Variants in DRC1 observed in about 807,000 individuals in gnomAD.
DRC1 encodes dynein regulatory complex subunit 1.
Under a neutral mutation model 98.7 loss-of-function variants are expected in DRC1, and 74 were observed. The observed-to-expected ratio is 0.75, with a 90% CI of 0.62 to 0.91. DRC1 has a LOEUF of 0.91. Ranked by LOEUF, DRC1 falls within the 40% of genes least tolerant of loss-of-function variation. DRC1 has a pLI of 0.00. For missense variants in DRC1, 875 were observed against 886.0 expected (o/e 0.99, Z 0.16); for synonymous variants, 336 against 334.1 (o/e 1.01, Z -0.06).
chr2:26,415,269 A>T (rs1184450878), intron 2 of DRC1, among the ~76,000 whole-genome samples: 1 of 152,214 alleles, frequency 6.6e-6, no homozygotes, highest in East Asian at 1.9e-4. Flanking sequence ...CATTTAATCA[A>T]TGTTAAGTGA....
At chr2:26,406,526 T>C (rs903318959) in intron 1 of DRC1, among the ~76,000 whole-genome samples, 4 of 151,924 alleles carry the variant, frequency 2.6e-5, no homozygotes, top group South Asian at 2.1e-4. Flanking sequence ...CTGGCCAACA[T>C]AGTGAAACCC....
At position 26,421,308 on chromosome 2, in the gene DRC1, C is replaced by T; in HGVS notation, c.264C>T (p.Leu88=). ...ESRLKLAKLL[L]CGTELVTNIQ... Reference sequence around the variant, plus strand: ...TTTAGAAATTGGCTAAACTTCTGCTCTGTGGCACCGAGTTGGTGACAAATA... The same window carrying T: ...TTTAGAAATTGGCTAAACTTCTGCTTTGTGGCACCGAGTTGGTGACAAATA... The change falls in exon 3 of 17, where the codon CTC becomes CTT. Residue 88 remains leucine, a synonymous_variant. Transcript: ENST00000288710. 1 of 1,613,586 alleles carries T rather than the reference C, an allele frequency of 6.2e-7. No homozygotes were observed. Among genetic ancestry groups the T allele is most frequent in the Non-Finnish European group, 8.5e-7 (1 of 1,179,714 alleles).
Position 26,440,369 on chromosome 2 carries a change from T to A in DRC1, c.889-9T>A, listed in dbSNP as rs762889685. On this transcript the variant is annotated splice_polypyrimidine_tract_variant and intron_variant, in intron 7 of 16. Transcript: ENST00000288710. ...TGTATATATATATATATAGTTTTTT[T>A]AACTTTAGATTCTTGAGCAGCAGCT... is the stretch of plus-strand genomic sequence containing the variant. 1.7e-5 allele frequency: 27 copies of A among 1,603,306 alleles called. No individual in the cohort carries two copies. In the South Asian group the frequency reaches 2.9e-4, roughly 17 times the overall value.
Position 26,430,872 on chromosome 2 carries a change from G to C in DRC1, c.765G>C (p.Glu255Asp). 6.8e-6 allele frequency: 11 copies of C among 1,613,146 alleles called. No individual in the cohort carries two copies. Among genetic ancestry groups the C allele is most frequent in the Non-Finnish European group, 8.5e-6 (10 of 1,179,364 alleles). Residue 255 changes from glutamate to aspartate, a missense_variant and splice_region_variant, in exon 6 of 17, where the codon GAG (glutamate) becomes GAC (aspartate). Coordinates refer to ENST00000288710, the MANE Select transcript of DRC1 (RefSeq NM_145038.5). ...EQALQAHNAK[E>D]LEYLNNRMKK... ...CCCTTCAGGCTCATAATGCCAAAGAGGTAAAGGGTGGAGCCTGTCAAGAGT... is the reference window on the plus strand; with the variant it reads ...CCCTTCAGGCTCATAATGCCAAAGACGTAAAGGGTGGAGCCTGTCAAGAGT...
intron 7 of DRC1, among the ~76,000 whole-genome samples, chr2:26,436,312 G>A (rs1032986162): frequency 1.3e-5 from 2 of 151,878 alleles, no homozygotes; most frequent in African/African-American, 4.8e-5. Flanking sequence ...CACTCCCCCT[G>A]CCCTTTATTT....
At position 26,444,328 on chromosome 2, in the gene DRC1, C is replaced by T; in HGVS notation, c.1135C>T (p.Gln379Ter). 1.2e-6 allele frequency: 2 copies of T among 1,614,136 alleles called. No homozygotes were observed. The highest frequency in any genetic ancestry group is 2.2e-5 in the East Asian group (1 of 44,882). The change falls in exon 9 of 17, where the codon CAA becomes TAA. Residue 379 changes from glutamine to a stop codon, truncating the protein, a stop_gained. Transcript: ENST00000288710. LOFTEE classifies it high-confidence loss of function. ...LTSDYKRLVM[Q>*]FKELQKAMRH... ...CTCGGACTACAAACGTCTTGTGATG[C>T]AATTCAAGGAGCTACAGAAAGCCAT...
At chr2:26,430,958 CTT>C (rs5830013) in intron 6 of DRC1, 86 bp downstream of exon 6, 4,765 of 341,248 alleles carry the variant, frequency 0.014, no homozygotes, top group East Asian at 0.034. Context: ...CTTTTTCTAT[CTT>C]TTTTTTTTTT....
In DRC1 at chr2:26,414,429, T is replaced by C. The variant is rs1558435859; in HGVS notation, c.241T>C (p.Leu81=). The C allele has an allele frequency of 6.2e-7, 1 of 1,613,094 alleles. No individual in the cohort carries two copies. The highest frequency in any genetic ancestry group is 1.1e-5 in the South Asian group (1 of 90,910). ...CTACAAACAGAAAGAAGAAAGCCGA[T>C]TGGTATGAACTGGTTGGCAGATGGG... ...KSYKQKEESR[L]KLAKLLLCGT... is the part of the protein sequence containing the mutation. Residue 81 remains leucine, a splice_region_variant and synonymous_variant, in exon 2 of 17, where the codon TTG becomes CTG. Transcript: ENST00000288710.
chr2:26,402,540 T>C (rs905436853), intron 1 of DRC1, among the ~76,000 whole-genome samples: 2 of 152,320 alleles, frequency 1.3e-5, no homozygotes, highest in African/African-American at 2.4e-5. Context: ...GGTCCTTTCT[T>C]GTTCCAGGCA....
Position 26,448,778 on chromosome 2 carries a change from T to C in DRC1, c.1484T>C (p.Ile495Thr), listed in dbSNP as rs144606400. The C allele has an allele frequency of 6.2e-7, 1 of 1,614,156 alleles. No homozygotes were observed. Among genetic ancestry groups the C allele is most frequent in the Non-Finnish European group, 8.5e-7 (1 of 1,180,030 alleles). The change falls in exon 11 of 17, where the codon ATC becomes ACC. Residue 495 changes from isoleucine to threonine, a missense_variant. By Grantham distance (89) the Ile-to-Thr change is moderately conservative (BLOSUM62 -1). Coordinates refer to ENST00000288710, the MANE Select transcript of DRC1 (RefSeq NM_145038.5). ...ATTTCTGAAAAAACTACCAAGAGGA[T>C]CCTGATGCTCCTGTGTGACGAGTCG... Reference protein sequence around the residue: ...KQISEKTTKRILMLLCDESGF... With the variant: ...KQISEKTTKRTLMLLCDESGF...
In DRC1 at chr2:26,456,688, T is replaced by C; in HGVS notation, c.*171T>C. The C allele has an allele frequency of 2.9e-6, 2 of 699,576 alleles. No homozygotes were observed. Among genetic ancestry groups the C allele is most frequent in the South Asian group, 4.1e-5 (2 of 49,264 alleles). The allele number at this position is 699,576 out of a possible 1,614,324, so 43.3% of individuals were successfully genotyped here. On this transcript the variant is annotated 3_prime_UTR_variant, in exon 17 of 17. Coordinates refer to ENST00000288710, the MANE Select transcript of DRC1 (RefSeq NM_145038.5). ...CAGAGGAGTTACCTGTGTCCTGCAT[T>C]ATGATTAAAGCCTTTTAAAGTTGTG...
chr2:26,434,890 C>A (rs371960527), intron 7 of DRC1, among the ~76,000 whole-genome samples: 1,134 of 126,260 alleles, frequency 9.0e-3, no homozygotes, highest in Middle Eastern at 0.012. Context: ...GACTCCGTCT[C>A]AAAAAAAAAA....
chr2:26,444,614 A>G (rs1663803954), intron 9 of DRC1, 102 bp from the exon 10 acceptor site: 1 of 1,207,374 alleles, frequency 8.3e-7, no homozygotes, highest in Non-Finnish European at 1.2e-6. Context: ...AGGCCCAGGA[A>G]TTAGCACAGC....
In DRC1 at chr2:26,406,456, C is replaced by A. The variant is rs2147975308; in HGVS notation, c.155+4312C>A. On this transcript the variant is annotated intron_variant, in intron 1 of 16. Coordinates refer to ENST00000288710, the MANE Select transcript of DRC1 (RefSeq NM_145038.5). Reference sequence around the variant, plus strand: ...GGGCGTGGTGGCTCACGCCTATAATCCTAGCAGTTTGGGAGGCTGAGGTGG... The same window carrying A: ...GGGCGTGGTGGCTCACGCCTATAATACTAGCAGTTTGGGAGGCTGAGGTGG... 2.0e-5 allele frequency among the ~76,000 whole-genome samples: 3 copies of A among 152,258 alleles called. No homozygotes were observed. The South Asian group carries it at 6.2e-4, about 32-fold the overall frequency.
intron 1 of DRC1, among the ~76,000 whole-genome samples, chr2:26,406,094 T>G (rs1238059507): frequency 6.6e-6 from 1 of 152,180 alleles, no homozygotes; most frequent in Non-Finnish European, 1.5e-5. Flanking sequence ...CTGAATTAAC[T>G]TCTCTGTTAA....
At chr2:26,408,272 G>C (rs1164703322) in intron 1 of DRC1, among the ~76,000 whole-genome samples, 2 of 152,054 alleles carry the variant, frequency 1.3e-5, no homozygotes, top group African/African-American at 4.8e-5. Context: ...AGGATCTAGG[G>C]CTTGGGGGAT....
At chr2:26,429,850 GC>G (rs1322777904) in intron 5 of DRC1, 85 bp downstream of exon 5, 5 of 1,432,260 alleles carry the variant, frequency 3.5e-6, no homozygotes, top group Non-Finnish European at 4.7e-6. Flanking sequence ...TCTAAGGAGG[GC>G]CCTACATGAC....
intron 1 of DRC1, among the ~76,000 whole-genome samples, chr2:26,411,549 A>G (rs1277693113): frequency 3.0e-5 from 4 of 134,662 alleles, no homozygotes; most frequent in Non-Finnish European, 5.2e-5. Flanking sequence ...CATAAAAGAC[A>G]ATGATGAGAT....
chr2:26,409,343 T>A (rs903530487), intron 1 of DRC1, among the ~76,000 whole-genome samples: 1 of 152,234 alleles, frequency 6.6e-6, no homozygotes, highest in Non-Finnish European at 1.5e-5. Context: ...GGGACTTAGA[T>A]TGAAATGATA....
Sources: allele counts gnomAD v4.1 joint callset (sites outside exome capture counted in the v4.1 genomes callset), GRCh38; gene constraint gnomAD v4.1.1; transcripts MANE v1.5; gene names NCBI Gene and HGNC (gene_info 2026-07-23, HGNC 2026-07-21).